Variants in HACE1 observed in about 807,000 individuals in gnomAD.
The protein encoded by HACE1 is HECT domain and ankyrin repeat containing E3 ubiquitin protein ligase 1, also known as E3 ubiquitin-protein ligase HACE1.
HACE1 carries 73 observed loss-of-function variants against 118.4 expected under a neutral mutation model. The ratio of observed to expected loss-of-function variants is 0.62; its 90% CI spans 0.51 to 0.75. The LOEUF is 0.75. Ranked by LOEUF, HACE1 falls within the 30% of genes least tolerant of loss-of-function variation. HACE1 has a pLI of 0.00. For missense variants in HACE1, 749 were observed against 1,102.2 expected (o/e 0.68, Z 4.54); for synonymous variants, 368 against 374.8 (o/e 0.98, Z 0.21).
At chr6:104,753,450 C>T (rs1327463170) in intron 19 of HACE1, among the ~76,000 whole-genome samples, 1 of 152,162 alleles carries the variant, frequency 6.6e-6, no homozygotes, top group Non-Finnish European at 1.5e-5. Context: ...TAAGATCTCC[C>T]AGCAGGGGTC....
chr6:104,803,149 T>C lies in HACE1; in HGVS notation c.618-6124A>G, dbSNP rs563259217. ...TAAATTGGACTAAACCAGGAAGAAGTTGAATCTCTGAACACACCAATAATA... is the reference window on the plus strand; with the variant it reads ...TAAATTGGACTAAACCAGGAAGAAGCTGAATCTCTGAACACACCAATAATA... On this transcript the variant is annotated intron_variant, in intron 7 of 23. Transcript: ENST00000262903. 1.0e-3 allele frequency among the ~76,000 whole-genome samples: 159 copies of C among 151,918 alleles called. 2 individuals are homozygous for C. The highest frequency in any genetic ancestry group is 1.3e-3 in the Non-Finnish European group (87 of 67,950).
intron 22 of HACE1, among the ~76,000 whole-genome samples, chr6:104,732,615 G>A (rs1477315993): frequency 1.3e-5 from 2 of 152,050 alleles, no homozygotes; most frequent in African/African-American, 4.8e-5. Flanking sequence ...GATGGATGGT[G>A]GTGATAGTCA....
intron 19 of HACE1, among the ~76,000 whole-genome samples, chr6:104,766,359 T>C (rs981030876): frequency 2.0e-5 from 3 of 152,156 alleles, no homozygotes; most frequent in Non-Finnish European, 4.4e-5. Context: ...CCCCTGGTCA[T>C]ATGAGATCAG....
At chr6:104,817,672 T>C (rs773441436) in intron 6 of HACE1, among the ~76,000 whole-genome samples, 7 of 152,166 alleles carry the variant, frequency 4.6e-5, no homozygotes, top group Non-Finnish European at 8.8e-5. Context: ...AGATATTTTA[T>C]AGGAGCATAT....
chr6:104,735,499 C>T (rs560103872), intron 22 of HACE1, among the ~76,000 whole-genome samples: 250 of 152,052 alleles, frequency 1.6e-3, no homozygotes, highest in Non-Finnish European at 2.3e-3. Flanking sequence ...TGCATGGTGG[C>T]GGGTGCCTAT....
chr6:104,851,342 G>A (rs544371963), intron 2 of HACE1, among the ~76,000 whole-genome samples: 38 of 152,258 alleles, frequency 2.5e-4, no homozygotes, highest in African/African-American at 7.0e-4. Context: ...TCGGCCTCCC[G>A]AAGTGCTGGG....
chr6:104,750,367 TGAGG>T lies in HACE1; in HGVS notation c.2313_2316del (p.Leu772TyrfsTer21). ...AATTCATATTCATCAAAAAGCTGTA[TGAGG>T]GAGGGTGGAATGAACATATGAAAGC... On this transcript the variant is annotated frameshift_variant, in exon 20 of 24. Transcript: ENST00000262903. LOFTEE classifies it high-confidence loss of function. The T allele has an allele frequency of 6.2e-7, 1 of 1,612,758 alleles. No homozygotes were observed. Among genetic ancestry groups the T allele is most frequent in the African/African-American group, 1.3e-5 (1 of 74,970 alleles).
At chr6:104,850,317 T>G (rs1336658374) in intron 3 of HACE1, among the ~76,000 whole-genome samples, 1 of 152,198 alleles carries the variant, frequency 6.6e-6, no homozygotes, top group Non-Finnish European at 1.5e-5. Context: ...CATTCTCTAC[T>G]TTCAAGATGG....
chr6:104,730,191 A>C (rs572464764), intron 23 of HACE1, 112 bp downstream of exon 23: 16 of 715,698 alleles, frequency 2.2e-5, no homozygotes, highest in Non-Finnish European at 3.6e-5. Context: ...AAAATCCTGG[A>C]GAGAGATCAC....
chr6:104,821,204 G>A (rs1772678067), intron 6 of HACE1, among the ~76,000 whole-genome samples: 1 of 152,120 alleles, frequency 6.6e-6, no homozygotes, highest in Non-Finnish European at 1.5e-5. Flanking sequence ...GAGGATGGGA[G>A]GAGGGAAAGG....
chr6:104,733,111 C>A (rs1360612147), intron 22 of HACE1, among the ~76,000 whole-genome samples: 2 of 152,100 alleles, frequency 1.3e-5, no homozygotes, highest in Non-Finnish European at 1.5e-5. Context: ...AAAATCAAGT[C>A]GTTCTGAATT....
At chr6:104,733,134 G>A (rs533884042) in intron 22 of HACE1, among the ~76,000 whole-genome samples, 82 of 152,178 alleles carry the variant, frequency 5.4e-4, no homozygotes, top group Middle Eastern at 3.4e-3. Flanking sequence ...CTATGATGTC[G>A]AATTTCAAAT....
intron 3 of HACE1, among the ~76,000 whole-genome samples, chr6:104,850,294 C>CAAGTAAAACAAGTA (rs906276472): frequency 3.9e-5 from 6 of 152,116 alleles, no homozygotes; most frequent in African/African-American, 1.4e-4. Context: ...TAACTTCTGA[C>CAAGTAAAACAAGTA]ACAAATAGTA....
At chr6:104,785,765 A>G (rs1198025860) in intron 11 of HACE1, 1 of 157,398 alleles carries the variant, frequency 6.4e-6, no homozygotes, top group Non-Finnish European at 1.4e-5. Flanking sequence ...ATAATCACTC[A>G]ACATTTTCTG....
chr6:104,804,464 A>G (rs1411759304), intron 7 of HACE1, among the ~76,000 whole-genome samples: 1 of 152,220 alleles, frequency 6.6e-6, no homozygotes, highest in African/African-American at 2.4e-5. Context: ...ACTTCAAACT[A>G]TACTACAAGG....
At chr6:104,737,884 CA>C (rs1373218314) in intron 22 of HACE1, among the ~76,000 whole-genome samples, 1 of 152,198 alleles carries the variant, frequency 6.6e-6, no homozygotes, top group Non-Finnish European at 1.5e-5. Flanking sequence ...AGGGCACAGA[CA>C]AACAAAAAGA....
In HACE1 at chr6:104,791,071, G is replaced by C. The variant is rs117926886; in HGVS notation, c.1074+433C>G. ...TTAACTGTCAGCAAACCCAGTAAAT[G>C]AAAGTACCTTACTTTGAAAACACAT... On this transcript the variant is annotated intron_variant, in intron 11 of 23. Transcript: ENST00000262903. Among the ~76,000 whole-genome samples, 294 of 152,204 alleles carry C rather than the reference G, an allele frequency of 1.9e-3. 1 individual carries two copies. The highest frequency in any genetic ancestry group is 3.6e-3 in the Non-Finnish European group (242 of 67,990).
In HACE1 at chr6:104,785,480, T is replaced by C. The variant is rs367608439; in HGVS notation, c.1075-161A>G. ...GATAGTAATGCCTAAAGGTAAGTAA[T>C]AAAATTATACAAATGCTACATAAAT... On this transcript the variant is annotated intron_variant, in intron 11 of 23. Transcript: ENST00000262903. The C allele has an allele frequency of 8.8e-5, 53 of 602,370 alleles. No individual in the cohort carries two copies. In the East Asian group the frequency reaches 9.8e-4, roughly 11 times the overall value. The allele number at this position is 602,370 out of a possible 1,614,324, so 37.3% of individuals were successfully genotyped here. A position where few individuals can be genotyped will look rare whatever the true frequency, so the allele number is the denominator to read the frequency against.
intron 6 of HACE1, among the ~76,000 whole-genome samples, chr6:104,832,791 C>T (rs1249998606): frequency 1.3e-5 from 2 of 151,924 alleles, no homozygotes; most frequent in African/African-American, 2.4e-5. Context: ...CCCAGCTACT[C>T]GTGAGGCTGA....
Sources: gnomAD v4.1 joint callset for allele counts (sites outside exome capture counted in the v4.1 genomes callset) on GRCh38, gnomAD v4.1.1 for gene constraint, MANE v1.5 for transcripts, NCBI Gene and HGNC (gene_info 2026-07-23, HGNC 2026-07-21) for gene names.